HOOK1: variants seen among roughly 807,000 people sequenced by gnomAD.
The protein encoded by HOOK1 is hook microtubule tethering protein 1.
In HOOK1, 60 loss-of-function variants were observed where a neutral mutation model predicts 112.8. The observed-to-expected ratio is 0.53, with a 90% CI of 0.43 to 0.66. The LOEUF is 0.66. Ranked by LOEUF, HOOK1 falls within the 30% of genes least tolerant of loss-of-function variation. The probability of loss-of-function intolerance (pLI) is 0.00; values close to 1 mark genes in which losing one functional copy is unlikely to be tolerated. For missense variants in HOOK1, 770 were observed against 856.0 expected, an observed-to-expected ratio of 0.90 and a Z score of 1.25; for synonymous variants, 294 against 283.8, an observed-to-expected ratio of 1.04 and a Z score of -0.36.
chr1:59,874,206 G>C lies in HOOK1; in HGVS notation c.*1241G>C, dbSNP rs1432696154. 2 of 152,056 alleles carry C rather than the reference G, an allele frequency of 1.3e-5. No homozygotes were observed. The highest frequency in any genetic ancestry group is 2.9e-5 in the Non-Finnish European group (2 of 67,988). The allele number at this position is 152,056 out of a possible 1,614,324, so 9.4% of individuals were successfully genotyped here. On this transcript the variant is annotated 3_prime_UTR_variant, in exon 22 of 22. Transcript: ENST00000371208. ...TGCTCAATAGCCACATGTGGCTAGT[G>C]GGTACCATATTGGACAGGGCAGCTA...
At chr1:59,831,549 C>T (rs1372283104) in intron 3 of HOOK1, among the ~76,000 whole-genome samples, 3 of 152,166 alleles carry the variant, frequency 2.0e-5, no homozygotes, top group Non-Finnish European at 2.9e-5. Flanking sequence ...CACAAATCTC[C>T]AGAGCTTGCT....
chr1:59,854,613 C>T (rs1394073517), intron 12 of HOOK1, among the ~76,000 whole-genome samples: 1 of 151,826 alleles, frequency 6.6e-6, no homozygotes, highest in Non-Finnish European at 1.5e-5. Flanking sequence ...TTTATGTCAT[C>T]CTACTGTGTT....
At position 59,835,391 on chromosome 1, in the gene HOOK1, G is replaced by A. The variant is rs370126871; in HGVS notation, c.453G>A (p.Val151=). 10 of 1,584,032 alleles carry A rather than the reference G, an allele frequency of 6.3e-6. No homozygotes were observed. The highest frequency in any genetic ancestry group is 7.8e-6 in the Non-Finnish European group (9 of 1,154,432). ...IMTLEESVQH[V]VMTAIQELMS... is the part of the protein sequence containing the mutation. ...CACTGGAAGAGTCTGTTCAACATGT[G>A]GTCATGACTGCTATTCAAGAGGTAA... Residue 151 remains valine (V), a synonymous_variant, in exon 6 of 22, where the codon GTG becomes GTA. Coordinates refer to ENST00000371208, the MANE Select transcript of HOOK1 (RefSeq NM_015888.6).
chr1:59,825,814 A>G (rs1457659827), intron 2 of HOOK1, among the ~76,000 whole-genome samples: 1 of 152,216 alleles, frequency 6.6e-6, no homozygotes, highest in Non-Finnish European at 1.5e-5. Flanking sequence ...TGTATAAAGT[A>G]TAGATAGATG....
intron 21 of HOOK1, among the ~76,000 whole-genome samples, 155 bp downstream of exon 21, chr1:59,871,265 A>G (rs936732376): frequency 6.6e-6 from 1 of 152,216 alleles, no homozygotes; most frequent in South Asian, 2.1e-4. Context: ...TACCCTGTGT[A>G]TTGCACTCAG....
At chr1:59,850,785 T>C (rs542141511) in intron 12 of HOOK1, among the ~76,000 whole-genome samples, 1 of 151,612 alleles carries the variant, frequency 6.6e-6, no homozygotes, top group South Asian at 2.1e-4. Context: ...TGTATCAGCA[T>C]TGGCTCATCA....
chr1:59,833,602 C>A, intron 5 of HOOK1, 65 bp downstream of exon 5: 2 of 1,325,984 alleles, frequency 1.5e-6, no homozygotes, highest in Non-Finnish European at 2.0e-6. Context: ...GCTATATAAG[C>A]TAGCATTAAA....
chr1:59,848,609 A>G, intron 11 of HOOK1, 93 bp downstream of exon 11: 2 of 824,182 alleles, frequency 2.4e-6, no homozygotes, highest in South Asian at 3.5e-5. Context: ...GAAATTGAGA[A>G]GCGTTGCATG....
In HOOK1 at chr1:59,828,767, G is replaced by A. The variant is rs774181680; in HGVS notation, c.150-13G>A. The A allele has an allele frequency of 1.9e-6, 3 of 1,601,006 alleles. No individual in the cohort carries two copies. Among genetic ancestry groups the A allele is most frequent in the Non-Finnish European group, 2.6e-6 (3 of 1,175,352 alleles). ...CATTTTCATCTTTAGTATTTTTTTT[G>A]TTGTTGTTTCAGTGATGCAGCTTGG... On this transcript the variant is annotated splice_polypyrimidine_tract_variant and intron_variant, in intron 2 of 21. Transcript: ENST00000371208.
intron 2 of HOOK1, among the ~76,000 whole-genome samples, chr1:59,823,146 CCA>C (rs2098386954): frequency 1.3e-5 from 2 of 152,058 alleles, no homozygotes; most frequent in Admixed American, 1.3e-4. Flanking sequence ...TGGTGAAACC[CCA>C]TCTCTACTAA....
chr1:59,821,293 A>T (rs1373461975), intron 1 of HOOK1, among the ~76,000 whole-genome samples: 1 of 152,214 alleles, frequency 6.6e-6, no homozygotes, highest in Non-Finnish European at 1.5e-5. Context: ...AAAAGTTAGT[A>T]TACCTAAAGC....
intron 19 of HOOK1, 121 bp downstream of exon 19, chr1:59,866,093 G>A (rs1643958797): frequency 3.2e-6 from 2 of 628,532 alleles, no homozygotes; most frequent in South Asian, 3.6e-5. Context: ...TAACTGTATT[G>A]CCTTACCTGT....
intron 17 of HOOK1, 21 bp downstream of exon 17, chr1:59,864,687 T>C: frequency 7.0e-7 from 1 of 1,428,544 alleles, no homozygotes; most frequent in Non-Finnish European, 9.8e-7. Flanking sequence ...CTGATATTTC[T>C]TTTCAAATAT....
chr1:59,828,471 A>G (rs112108843), intron 2 of HOOK1, among the ~76,000 whole-genome samples: 4 of 152,320 alleles, frequency 2.6e-5, no homozygotes, highest in African/African-American at 9.6e-5. Context: ...ACTTGGAACA[A>G]TATCAAGTGC....
At chr1:59,842,103 G>C (rs1158722918) in intron 8 of HOOK1, among the ~76,000 whole-genome samples, 6 of 152,002 alleles carry the variant, frequency 3.9e-5, no homozygotes, top group South Asian at 2.1e-4. Context: ...TTTGCCCTTG[G>C]TCCTATTCGT....
chr1:59,866,141 C>G (rs1643959583), intron 19 of HOOK1, among the ~76,000 whole-genome samples, 169 bp downstream of exon 19: 2 of 152,136 alleles, frequency 1.3e-5, no homozygotes, highest in Non-Finnish European at 2.9e-5. Flanking sequence ...TTCTCATACT[C>G]TTAGTCTCAC....
intron 8 of HOOK1, 82 bp from the exon 9 acceptor site, chr1:59,843,350 C>A (rs2098401961): frequency 4.2e-6 from 4 of 950,258 alleles, no homozygotes; most frequent in Non-Finnish European, 6.2e-6. Context: ...GATCTAGAAT[C>A]CAGAACTCTA....
At chr1:59,843,372 G>A in intron 8 of HOOK1, 60 bp from the exon 9 acceptor site, 1 of 1,280,032 alleles carries the variant, frequency 7.8e-7, no homozygotes, top group Non-Finnish European at 1.1e-6. Context: ...ACTCTAATAA[G>A]AATTTTTATT....
At chr1:59,846,751 T>A (rs1436571199) in intron 9 of HOOK1, among the ~76,000 whole-genome samples, 1 of 151,518 alleles carries the variant, frequency 6.6e-6, no homozygotes. Context: ...CTGTTGTGAT[T>A]TTTTTTCTTG....
Sources: gnomAD v4.1 joint callset for allele counts (sites outside exome capture counted in the v4.1 genomes callset) on GRCh38, gnomAD v4.1.1 for gene constraint, MANE v1.5 for transcripts, NCBI Gene and HGNC (gene_info 2026-07-23, HGNC 2026-07-21) for gene names.